Variants in PKD1 observed in about 807,000 individuals in gnomAD.
PKD1 encodes the protein polycystin-1.
In PKD1, 81 loss-of-function variants were observed where a neutral mutation model predicts 361.7. The observed-to-expected ratio is 0.22, with a 90% CI of 0.19 to 0.27. The LOEUF (loss-of-function observed/expected upper bound fraction) is 0.27. Ranked by LOEUF, PKD1 falls within the 10% of genes least tolerant of loss-of-function variation. The pLI, the probability that PKD1 is intolerant of heterozygous loss-of-function variation, is 1.00. For synonymous variants in PKD1, 3,615 were observed against 2,818.3 expected, an observed-to-expected ratio of 1.28 and a Z score of -8.95; for missense variants, 6,399 against 6,118.3, an observed-to-expected ratio of 1.05 and a Z score of -1.53.
rs765777106 is a variant in PKD1, at chr16:2,109,321, C to A, written c.5846G>T (p.Ser1949Ile). ...GCTCACGTGGTTTTTGCCCCGCACG[C>A]TCACCACGTGGTCTCCGACGCGGGG... ...SFPRVGDHVV[S>I]VRGKNHVSWA... The change falls in exon 15 of 46, where the codon AGC becomes ATC. Residue 1949 changes from serine (S) to isoleucine (I), a missense_variant. Ser to Ile is a moderately radical substitution (Grantham distance 142). Transcript: ENST00000262304. The A allele has an allele frequency of 6.3e-7, 1 of 1,588,500 alleles. No individual in the cohort carries two copies. Among genetic ancestry groups the A allele is most frequent in the African/African-American group, 1.3e-5 (1 of 74,754 alleles).
At chr16:2,092,782 G>T in intron 38 of PKD1, 172 bp downstream of exon 38, 1 of 878,580 alleles carries the variant, frequency 1.1e-6, no homozygotes, top group Non-Finnish European at 1.9e-6. Flanking sequence ...CCTGTGCACT[G>T]CAAGACACGG....
chr16:2,104,168 G>A (rs1175353825), intron 22 of PKD1, among the ~76,000 whole-genome samples: 1 of 17,956 alleles, frequency 5.6e-5, no homozygotes, highest in East Asian at 1.1e-3. Context: ...GGGAGAAGAA[G>A]AGGAGCAGGG....
chr16:2,112,365 A>G lies in PKD1; in HGVS notation c.3270T>C (p.Asn1090=). The G allele has an allele frequency of 3.8e-6, 6 of 1,586,896 alleles. No individual in the cohort carries two copies. Among genetic ancestry groups the G allele is most frequent in the Non-Finnish European group, 5.1e-6 (6 of 1,174,104 alleles). ...CTGGGGCAGCGTAGGTGTGCATGAC[A>G]TTGTGCTCCACCAGCACCTGGGCCA... ...PSVAQVLVEH[N]VMHTYAAPGE... Residue 1090 remains asparagine, a synonymous_variant, in exon 14 of 46, where the codon AAT becomes AAC. Transcript: ENST00000262304.
intron 20 of PKD1, 96 bp from the exon 21 acceptor site, chr16:2,105,570 T>C: frequency 6.3e-7 from 1 of 1,594,104 alleles, no homozygotes; most frequent in Non-Finnish European, 8.5e-7. Context: ...AGTTACGTGC[T>C]AGACGCTGTG....
At chr16:2,114,081 A>G (rs2092586765) in intron 11 of PKD1, 89 bp downstream of exon 11, 5 of 1,107,594 alleles carry the variant, frequency 4.5e-6, no homozygotes, top group Non-Finnish European at 6.6e-6. Context: ...TGCTGCCCTC[A>G]CTGGGAAGCC....
rs900664088 is a variant in PKD1 at position 2,118,204 on chromosome 16, G to T, written c.788C>A (p.Thr263Asn). 19 of 1,539,586 alleles carry T rather than the reference G, an allele frequency of 1.2e-5. No individual in the cohort carries two copies. Among genetic ancestry groups the T allele is most frequent in the Admixed American group, 9.7e-5 (5 of 51,300 alleles). Reference sequence around the variant, plus strand: ...GGCAGGGAAGACGTGCTGGAGGAGGGTGGGGCCCCTACAGGTGGGGGCAGG... The same window carrying T: ...GGCAGGGAAGACGTGCTGGAGGAGGTTGGGGCCCCTACAGGTGGGGGCAGG... ...PPPAPTCRGP[T>N]LLQHVFPASP... The change falls in exon 5 of 46, where the codon ACC (threonine) becomes AAC (asparagine). Residue 263 changes from threonine to asparagine, a missense_variant. Transcript: ENST00000262304. The surrounding 1 kb of genome is among the most constrained non-coding windows in gnomAD (Gnocchi z 6.0).
chr16:2,105,422 C>T lies in PKD1; in HGVS notation c.7916G>A (p.Arg2639Gln). ...CGTGATGTTCTTGCGTATCTGGGCT[C>T]GGTGCTGCCGCTCGTGCTTGGGCTC... ...AAEPKHERQH[R>Q]AQIRKNITET... The change falls in exon 21 of 46, where the codon CGA becomes CAA. Residue 2639 changes from arginine to glutamine, a missense_variant. Coordinates refer to ENST00000262304, the MANE Select transcript of PKD1 (RefSeq NM_001009944.3). The T allele has an allele frequency of 5.0e-6, 8 of 1,585,070 alleles. No homozygotes were observed. The highest frequency in any genetic ancestry group is 2.2e-5 in the East Asian group (1 of 44,876).
chr16:2,091,736 G>T (rs1279949267), intron 41 of PKD1, 45 bp downstream of exon 41: 14 of 1,602,742 alleles, frequency 8.7e-6, no homozygotes, highest in Non-Finnish European at 1.2e-5. Flanking sequence ...GCTCCTGGCT[G>T]GTGACTGCGG....
Position 2,111,175 on chromosome 16 carries a change from C to T in PKD1, c.3992G>A (p.Gly1331Glu), listed in dbSNP as rs760982070. Residue 1331 changes from glycine to glutamate, a missense_variant, in exon 15 of 46, where the codon GGG becomes GAG. Coordinates refer to ENST00000262304, the MANE Select transcript of PKD1 (RefSeq NM_001009944.3). Reference sequence around the variant, plus strand: ...CACGGTCGTGTTGGAGGAGCCATCCCCGAAGGTCCAGTCGAAGAGGTAGTG... The same window carrying T: ...CACGGTCGTGTTGGAGGAGCCATCCTCGAAGGTCCAGTCGAAGAGGTAGTG... ...PAHYLFDWTFGDGSSNTTVRG... is the reference protein window; with the variant it reads ...PAHYLFDWTFEDGSSNTTVRG... 24 of 1,611,288 alleles carry T rather than the reference C, an allele frequency of 1.5e-5. No individual in the cohort carries two copies. The highest frequency in any genetic ancestry group is 1.6e-5 in the Non-Finnish European group (19 of 1,179,764).
Position 2,108,713 on chromosome 16 carries a change from C to A in PKD1, c.6454G>T (p.Asp2152Tyr). The A allele has an allele frequency of 3.8e-6, 6 of 1,570,688 alleles. No individual in the cohort carries two copies. The highest frequency in any genetic ancestry group is 5.2e-6 in the Non-Finnish European group (6 of 1,158,828). The stretch of plus-strand genomic sequence containing the variant: ...AGCACCTGCAGGGGCAGGACCACGT[C>A]CACCTCCGGCTCCCGGCAGGCCAGC... ...QVLACREPEV[D>Y]VVLPLQVLMR... Residue 2152 changes from aspartate (D) to tyrosine (Y), a missense_variant, in exon 15 of 46, where the codon GAC becomes TAC. Asp to Tyr is a radical substitution (Grantham distance 160). Transcript: ENST00000262304.
rs1240163904 is a variant in PKD1, at chr16:2,088,800, T to TGGTACACAGAAGC, written c.*914_*926dup. ...CTAGAAGCGGCCATGCCCACAGAAG[T>TGGTACACAGAAGC]GGTACACAGAAGCAGGCACAGCCAG... On this transcript the variant is annotated 3_prime_UTR_variant, in exon 46 of 46. Transcript: ENST00000262304. The TGGTACACAGAAGC allele has an allele frequency of 3.9e-6, 3 of 773,220 alleles. No homozygotes were observed. Among genetic ancestry groups the TGGTACACAGAAGC allele is most frequent in the Admixed American group, 5.7e-5 (2 of 35,268 alleles). 47.9% of individuals were successfully genotyped at this position (773,220 alleles called of 1,614,324 possible).
In PKD1 at chr16:2,116,570, C is replaced by T. The variant is rs1259065608; in HGVS notation, c.1681G>A (p.Ala561Thr). 1.9e-6 allele frequency: 3 copies of T among 1,570,152 alleles called. No individual in the cohort carries two copies. Among genetic ancestry groups the T allele is most frequent in the Non-Finnish European group, 2.6e-6 (3 of 1,162,070 alleles). ...GDLQGPLTPL[A>T]QQDGLSAPHE... Reference sequence around the variant, plus strand: ...GGGGCTGAGAGGCCGTCCTGCTGTGCCAGAGGCGTCAGGGGTCCCTGCAGG... The same window carrying T: ...GGGGCTGAGAGGCCGTCCTGCTGTGTCAGAGGCGTCAGGGGTCCCTGCAGG... Residue 561 changes from alanine (A) to threonine (T), a missense_variant, in exon 8 of 46, where the codon GCA becomes ACA. Physicochemically the swap from Ala to Thr is moderately conservative, Grantham distance 58. Coordinates refer to ENST00000262304, the MANE Select transcript of PKD1 (RefSeq NM_001009944.3).
intron 34 of PKD1, among the ~76,000 whole-genome samples, chr16:2,095,751 A>T (rs566845847): frequency 5.3e-5 from 8 of 152,320 alleles, no homozygotes; most frequent in African/African-American, 1.9e-4. Flanking sequence ...AGGGTTGAGG[A>T]AGCCGGGAGG....
chr16:2,113,982 G>C lies in PKD1; in HGVS notation c.2853+188C>G. The C allele has an allele frequency of 4.9e-6, 3 of 607,574 alleles. No individual in the cohort carries two copies. In the South Asian group the frequency reaches 5.9e-5, roughly 12 times the overall value. 37.6% of individuals were successfully genotyped at this position (607,574 alleles called of 1,614,324 possible). On this transcript the variant is annotated intron_variant, in intron 11 of 45. Coordinates refer to ENST00000262304, the MANE Select transcript of PKD1 (RefSeq NM_001009944.3). ...AGTTAGCGGAGCCACTGTCAGAGCC[G>C]TGACTTTCCAGGAATTTAAAGCCCA...
intron 34 of PKD1, chr16:2,095,442 C>T (rs1196407250): frequency 6.6e-6 from 1 of 152,326 alleles, no homozygotes; most frequent in African/African-American, 2.4e-5. Flanking sequence ...ATAACCCAGC[C>T]TCAACTATTC....
At position 2,090,172 on chromosome 16, in the gene PKD1, T is replaced by C; in HGVS notation, c.12467A>G (p.Glu4156Gly). Residue 4156 changes from glutamate to glycine, a missense_variant, in exon 46 of 46, where the codon GAA (glutamate) becomes GGA (glycine). Coordinates refer to ENST00000262304, the MANE Select transcript of PKD1 (RefSeq NM_001009944.3). ...VKEFRHKVRF[E>G]GMEPLPSRSS... ...GCGAGAGGGCAGCGGCTCCATCCCT[T>C]CAAAGCGGACTTTGTGGCGGAACTG... is the stretch of plus-strand genomic sequence containing the variant. 2 of 1,601,360 alleles carry C rather than the reference T, an allele frequency of 1.2e-6. No individual in the cohort carries two copies. Among genetic ancestry groups the C allele is most frequent in the Non-Finnish European group, 1.7e-6 (2 of 1,174,042 alleles).
At position 2,110,289 on chromosome 16, in the gene PKD1, G is replaced by C. The variant is rs1344400167; in HGVS notation, c.4878C>G (p.Val1626=). ...EVGSAQDSIF[V]YVLQLIEGLQ... The stretch of plus-strand genomic sequence containing the variant: ...GCCCCTCTATGAGCTGCAGGACATA[G>C]ACGAAGATGCTGTCCTGGGCGGAGC... Residue 1626 remains valine (V), a synonymous_variant, in exon 15 of 46, where the codon GTC becomes GTG. Coordinates refer to ENST00000262304, the MANE Select transcript of PKD1 (RefSeq NM_001009944.3). 35 of 1,612,524 alleles carry C rather than the reference G, an allele frequency of 2.2e-5. No homozygotes were observed. The highest frequency in any genetic ancestry group is 2.8e-5 in the Non-Finnish European group (33 of 1,179,842).
At chr16:2,127,613 CCT>C (rs937095785) in intron 1 of PKD1, among the ~76,000 whole-genome samples, 3 of 151,942 alleles carry the variant, frequency 2.0e-5, no homozygotes, top group Admixed American at 2.0e-4. Flanking sequence ...CCCCGGAACC[CCT>C]GAGGGAACCG....
intron 1 of PKD1, among the ~76,000 whole-genome samples, chr16:2,122,511 G>A (rs1406974043): frequency 6.6e-6 from 1 of 152,212 alleles, no homozygotes; most frequent in Non-Finnish European, 1.5e-5. Flanking sequence ...AAGGATGGGT[G>A]GGCCCACAGC....
Sources: gnomAD v4.1 joint callset for allele counts (sites outside exome capture counted in the v4.1 genomes callset) on GRCh38, gnomAD v4.1.1 for gene constraint, Gnocchi (gnomAD v3.1) non-coding constraint, MANE v1.5 for transcripts, NCBI Gene and HGNC (gene_info 2026-07-23, HGNC 2026-07-21) for gene names.